The following UFSP2 variants were observed in gnomAD, a reference collection of about 807,000 sequenced individuals.
UFSP2 encodes the protein ufm1-specific protease 2.
A neutral mutation model predicts 60.2 loss-of-function variants in UFSP2; 43 were observed. The observed-to-expected ratio is 0.71, with a 90% CI of 0.56 to 0.92. UFSP2 has a LOEUF of 0.92. Ranked by LOEUF, UFSP2 falls within the 40% of genes least tolerant of loss-of-function variation. UFSP2 has a pLI of 0.00. For missense variants in UFSP2, 520 were observed against 575.0 expected, an observed-to-expected ratio of 0.90 and a Z score of 0.98; for synonymous variants, 183 against 195.1, an observed-to-expected ratio of 0.94 and a Z score of 0.52.
At position 185,415,190 on chromosome 4, in the gene UFSP2, C is replaced by A; in HGVS notation, c.649G>T (p.Gly217Ter). The A allele has an allele frequency of 6.2e-7, 1 of 1,605,096 alleles. No individual in the cohort carries two copies. The highest frequency in any genetic ancestry group is 8.5e-7 in the Non-Finnish European group (1 of 1,178,102). ...GCCTGCAGCTGGCCATCTGGTATTC[C>A]TGAAGGATATGAAATTGTTACAAGA... The part of the protein sequence containing the change: ...KNLVTISYPS[G>*]IPDGQLQAYR... The change falls in exon 6 of 12, where the codon GGA becomes TGA. Residue 217 changes from glycine (G) to a stop codon, truncating the protein, a stop_gained. Coordinates refer to ENST00000264689, the MANE Select transcript of UFSP2 (RefSeq NM_018359.5). LOFTEE classifies it high-confidence loss of function.
intron 10 of UFSP2, among the ~76,000 whole-genome samples, chr4:185,404,180 A>G (rs2095517130): frequency 6.6e-6 from 1 of 152,032 alleles, no homozygotes; most frequent in African/African-American, 2.4e-5. Flanking sequence ...AAATGGATTT[A>G]GAAAGGGCCA....
In UFSP2 at chr4:185,401,218, A is replaced by G. The variant is rs528268920; in HGVS notation, c.1324-740T>C. 2.6e-5 allele frequency among the ~76,000 whole-genome samples: 4 copies of G among 152,304 alleles called. No individual in the cohort carries two copies. The South Asian group carries it at 6.2e-4, about 24-fold the overall frequency. ...ACAAGCAGCGGTCTGACTCCCTCCT[A>G]ATAAGATACACGTTGTCAAAAAACA... On this transcript the variant is annotated intron_variant, in intron 11 of 11. Transcript: ENST00000264689.
Position 185,413,320 on chromosome 4 carries a change from G to A in UFSP2, c.831+406C>T, listed in dbSNP as rs563393224. 4.6e-5 allele frequency among the ~76,000 whole-genome samples: 7 copies of A among 152,210 alleles called. No individual in the cohort carries two copies. In the East Asian group the frequency reaches 5.8e-4, roughly 13 times the overall value. ...GGAGAATTGCTTGAACCCAGGAGGC[G>A]GAGGTTGCAGTGAGCTGAGATCACA... is the stretch of plus-strand genomic sequence containing the variant. On this transcript the variant is annotated intron_variant, in intron 7 of 11. Coordinates refer to ENST00000264689, the MANE Select transcript of UFSP2 (RefSeq NM_018359.5).
intron 1 of UFSP2, among the ~76,000 whole-genome samples, chr4:185,425,200 G>T (rs767280854): frequency 5.3e-5 from 8 of 152,156 alleles, no homozygotes; most frequent in Non-Finnish European, 8.8e-5. Flanking sequence ...GTTTTGGGCA[G>T]GCACAACAGG....
chr4:185,415,355 G>A lies in UFSP2; in HGVS notation c.492-8C>T, dbSNP rs1484696669. The A allele has an allele frequency of 1.9e-6, 3 of 1,563,460 alleles. No individual in the cohort carries two copies. Among genetic ancestry groups the A allele is most frequent in the South Asian group, 2.4e-5 (2 of 81,898 alleles). ...ACCAGGAGTTTACGAACTCTGTGGG[G>A]GGAAATATATAAGTGTATTAACAAA... On this transcript the variant is annotated splice_polypyrimidine_tract_variant and splice_region_variant and intron_variant, in intron 5 of 11. Coordinates refer to ENST00000264689, the MANE Select transcript of UFSP2 (RefSeq NM_018359.5).
chr4:185,415,838 C>T lies in UFSP2; in HGVS notation c.363G>A (p.Leu121=), dbSNP rs552833153. 2.5e-6 allele frequency: 4 copies of T among 1,613,400 alleles called. No individual in the cohort carries two copies. The South Asian group carries it at 4.4e-5, about 18-fold the overall frequency. The part of the protein sequence containing the change: ...MHQIVNIDLM[L]EMSTSLAAVT... The stretch of plus-strand genomic sequence containing the variant: ...CAGCTGCCAGGGAGGTTGACATTTC[C>T]AGCATAAGATCTATATTTACTATTT... Residue 121 remains leucine, a synonymous_variant, in exon 5 of 12, where the codon CTG becomes CTA. Transcript: ENST00000264689.
At chr4:185,412,646 A>C (rs1168482779) in intron 7 of UFSP2, among the ~76,000 whole-genome samples, 1 of 152,122 alleles carries the variant, frequency 6.6e-6, no homozygotes, top group Non-Finnish European at 1.5e-5. Flanking sequence ...ACACAAGCTG[A>C]AACAGTGAGG....
At chr4:185,400,715 T>C in intron 11 of UFSP2, 1 of 375,614 alleles carries the variant, frequency 2.7e-6, no homozygotes. Context: ...AAAAAAAATT[T>C]ACCTGTAACT....
chr4:185,425,789 C>A (rs1340996121), intron 1 of UFSP2, 77 bp downstream of exon 1: 6 of 1,559,024 alleles, frequency 3.8e-6, no homozygotes, highest in Middle Eastern at 1.7e-4. Context: ...TCCTTTCAGG[C>A]GCTGTGAAGC....
At chr4:185,424,578 T>G (rs2095555639) in intron 1 of UFSP2, among the ~76,000 whole-genome samples, 1 of 152,224 alleles carries the variant, frequency 6.6e-6, no homozygotes, top group Admixed American at 6.5e-5. Flanking sequence ...TAGCTTCATG[T>G]TGTCCATTTA....
At chr4:185,419,257 G>T (rs968379900) in intron 2 of UFSP2, among the ~76,000 whole-genome samples, 1 of 151,768 alleles carries the variant, frequency 6.6e-6, no homozygotes, top group Non-Finnish European at 1.5e-5. Context: ...TCAGCCTCCC[G>T]AGTAGCTGGG....
At chr4:185,419,277 G>GC (rs1436236308) in intron 2 of UFSP2, among the ~76,000 whole-genome samples, 1 of 152,048 alleles carries the variant, frequency 6.6e-6, no homozygotes, top group Non-Finnish European at 1.5e-5. Flanking sequence ...GACTACAGGT[G>GC]CCCGCCACCA....
intron 11 of UFSP2, among the ~76,000 whole-genome samples, chr4:185,402,012 C>A (rs1275930655): frequency 1.3e-5 from 2 of 152,186 alleles, no homozygotes; most frequent in African/African-American, 4.8e-5. Flanking sequence ...TCGCCTAGCT[C>A]TGGACGCACT....
At chr4:185,416,376 A>T (rs1008622441) in intron 4 of UFSP2, among the ~76,000 whole-genome samples, 1 of 152,236 alleles carries the variant, frequency 6.6e-6, no homozygotes, top group African/African-American at 2.4e-5. Flanking sequence ...ACATATAACT[A>T]TATACCCCTG....
At chr4:185,405,095 C>T (rs1344588215) in intron 10 of UFSP2, among the ~76,000 whole-genome samples, 1 of 150,762 alleles carries the variant, frequency 6.6e-6, no homozygotes, top group Non-Finnish European at 1.5e-5. Context: ...GCCTCCTGGG[C>T]TCAAGCAATC....
chr4:185,407,328 A>G (rs1196701588), intron 9 of UFSP2, among the ~76,000 whole-genome samples: 1 of 152,106 alleles, frequency 6.6e-6, no homozygotes, highest in Non-Finnish European at 1.5e-5. Context: ...TGCTACGATT[A>G]CAGGCGTGAG....
chr4:185,407,081 C>T (rs1481767769), intron 9 of UFSP2, among the ~76,000 whole-genome samples: 53 of 115,350 alleles, frequency 4.6e-4, no homozygotes, highest in African/African-American at 1.8e-3. Context: ...AAGGGAGTCT[C>T]GCTTTGTTGC....
chr4:185,411,482 T>G (rs1000106455), intron 7 of UFSP2, among the ~76,000 whole-genome samples: 2 of 152,270 alleles, frequency 1.3e-5, no homozygotes, highest in African/African-American at 4.8e-5. Flanking sequence ...CCAGTATCAT[T>G]CACGAACATA....
chr4:185,407,520 G>A (rs989786340), intron 9 of UFSP2, among the ~76,000 whole-genome samples: 3 of 151,934 alleles, frequency 2.0e-5, no homozygotes, highest in South Asian at 2.1e-4. Flanking sequence ...GATTATTAAC[G>A]TTTTAGAAAG....
Sources: allele counts gnomAD v4.1 joint callset (sites outside exome capture counted in the v4.1 genomes callset), GRCh38; gene constraint gnomAD v4.1.1; transcripts MANE v1.5; gene names NCBI Gene and HGNC (gene_info 2026-07-23, HGNC 2026-07-21).